XXYLT1: variants seen among roughly 807,000 people sequenced by gnomAD.
XXYLT1 encodes xyloside xylosyltransferase 1.
A neutral mutation model predicts 28.9 loss-of-function variants in XXYLT1; 20 were observed. The ratio of observed to expected loss-of-function variants is 0.69; its 90% CI spans 0.49 to 1.00. XXYLT1 has a LOEUF of 1.00. Ranked by LOEUF, XXYLT1 falls within the 50% of genes least tolerant of loss-of-function variation. The pLI is 0.00. For missense variants in XXYLT1, 542 were observed against 560.1 expected (o/e 0.97, Z 0.33); for synonymous variants, 257 against 253.8 (o/e 1.01, Z -0.12).
At chr3:195,070,586 C>T (rs1436728464) in intron 3 of XXYLT1, among the ~76,000 whole-genome samples, 3 of 152,212 alleles carry the variant, frequency 2.0e-5, no homozygotes, top group African/African-American at 7.2e-5. Context: ...CTAGGTAGAA[C>T]TTTCCACCCC....
chr3:195,251,336 C>T (rs1725244526), intron 1 of XXYLT1, among the ~76,000 whole-genome samples: 1 of 152,258 alleles, frequency 6.6e-6, no homozygotes, highest in Non-Finnish European at 1.5e-5. Context: ...CCATGTGTTT[C>T]TGACAGGGAA....
In XXYLT1 at chr3:195,111,069, G is replaced by A. The variant is rs541507640; in HGVS notation, c.786-40958C>T. 2.6e-5 allele frequency among the ~76,000 whole-genome samples: 4 copies of A among 152,162 alleles called. No individual in the cohort carries two copies. In the East Asian group the frequency reaches 5.8e-4, roughly 22 times the overall value. On this transcript the variant is annotated intron_variant, in intron 3 of 3. Transcript: ENST00000310380. ...GGCTAGAAGTCTGAGATCATGGGTCGGCAGGGCTGGATCCCTCTGAGGGCT... is the reference window on the plus strand; with the variant it reads ...GGCTAGAAGTCTGAGATCATGGGTCAGCAGGGCTGGATCCCTCTGAGGGCT...
intron 2 of XXYLT1, among the ~76,000 whole-genome samples, chr3:195,171,687 T>C (rs952074653): frequency 1.3e-5 from 2 of 152,208 alleles, no homozygotes; most frequent in Non-Finnish European, 2.9e-5. Flanking sequence ...TGCCCTGCCC[T>C]TTCTCTCCTC....
intron 2 of XXYLT1, among the ~76,000 whole-genome samples, chr3:195,213,413 C>T (rs11916733): frequency 0.046 from 7,033 of 151,992 alleles, 578 homozygotes; most frequent in African/African-American, 0.16. Flanking sequence ...TACAGGCATG[C>T]GCCACCATGC....
intron 3 of XXYLT1, among the ~76,000 whole-genome samples, chr3:195,081,241 G>A (rs918736845): frequency 6.6e-6 from 1 of 151,882 alleles, no homozygotes; most frequent in Admixed American, 6.6e-5. Context: ...GCGTTTTTAT[G>A]ATTTTTATAA....
intron 3 of XXYLT1, among the ~76,000 whole-genome samples, chr3:195,081,042 G>A (rs942752866): frequency 6.6e-6 from 1 of 152,198 alleles, no homozygotes; most frequent in Non-Finnish European, 1.5e-5. Context: ...AATAGTAATT[G>A]GCACGGTGAC....
intron 3 of XXYLT1, among the ~76,000 whole-genome samples, chr3:195,139,161 G>C (rs1448756452): frequency 6.6e-6 from 1 of 152,212 alleles, no homozygotes; most frequent in Non-Finnish European, 1.5e-5. Flanking sequence ...GAAAGCTGGA[G>C]ACAGAGAGTC....
chr3:195,258,240 AG>A (rs1725551030), intron 1 of XXYLT1, among the ~76,000 whole-genome samples: 1 of 152,154 alleles, frequency 6.6e-6, no homozygotes, highest in African/African-American at 2.4e-5. Flanking sequence ...GACCCCACTC[AG>A]GGGGATAGTG....
chr3:195,213,817 C>T (rs1213427161), intron 2 of XXYLT1, among the ~76,000 whole-genome samples: 1 of 152,208 alleles, frequency 6.6e-6, no homozygotes, highest in Non-Finnish European at 1.5e-5. Flanking sequence ...TCAGCCAGTC[C>T]TCCCCACCAC....
intron 3 of XXYLT1, among the ~76,000 whole-genome samples, chr3:195,134,872 TGTGC>T (rs1560112568): frequency 1.4e-3 from 120 of 88,556 alleles, no homozygotes; most frequent in East Asian, 2.3e-3. Context: ...TGTGTGTGCG[TGTGC>T]GCGCGTGCGC....
chr3:195,124,807 C>G lies in XXYLT1; in HGVS notation c.785+31642G>C, dbSNP rs922308443. 6.6e-6 allele frequency among the ~76,000 whole-genome samples: 1 copy of G among 152,154 alleles called. No homozygotes were observed. Among genetic ancestry groups the G allele is most frequent in the African/African-American group, 2.4e-5 (1 of 41,424 alleles). Reference sequence around the variant, plus strand: ...CACAACTCCCACTAGAGCCAAGCAGCGTACGGACAGGGGCTGGCTCCGGGA... The same window carrying G: ...CACAACTCCCACTAGAGCCAAGCAGGGTACGGACAGGGGCTGGCTCCGGGA... On this transcript the variant is annotated intron_variant, in intron 3 of 3. Coordinates refer to ENST00000310380, the MANE Select transcript of XXYLT1 (RefSeq NM_152531.5). The surrounding 1 kb of genome is among the most constrained non-coding windows in gnomAD (Gnocchi z 4.1).
chr3:195,192,865 A>T (rs1722481727), intron 2 of XXYLT1, among the ~76,000 whole-genome samples: 1 of 152,248 alleles, frequency 6.6e-6, no homozygotes, highest in African/African-American at 2.4e-5. Flanking sequence ...TACAGATGAC[A>T]TAATCCTGTA....
chr3:195,145,968 C>T (rs1034143798), intron 3 of XXYLT1, among the ~76,000 whole-genome samples: 2 of 152,238 alleles, frequency 1.3e-5, no homozygotes, highest in African/African-American at 4.8e-5. Flanking sequence ...TTAAAGAAGT[C>T]ACCTAAGGCA....
At chr3:195,090,485 C>G (rs1420612411) in intron 3 of XXYLT1, among the ~76,000 whole-genome samples, 3 of 149,892 alleles carry the variant, frequency 2.0e-5, no homozygotes, top group Non-Finnish European at 4.4e-5. Context: ...CCAACAAGAA[C>G]AAAGACACAA....
chr3:195,112,819 C>G lies in XXYLT1; in HGVS notation c.786-42708G>C, dbSNP rs957749340. ...TCCCAGCCCCAGGTGGTGGGAACAG[C>G]TGAAGCAGCGCACACACGCACACAC... On this transcript the variant is annotated intron_variant, in intron 3 of 3. Coordinates refer to ENST00000310380, the MANE Select transcript of XXYLT1 (RefSeq NM_152531.5). Among the ~76,000 whole-genome samples the G allele has an allele frequency of 2.8e-5, 4 of 144,670 alleles. No individual in the cohort carries two copies. In the Admixed American group the frequency reaches 2.8e-4, roughly 10 times the overall value. 94.9% of individuals were successfully genotyped at this position (144,670 alleles called of 152,430 possible). A position where few individuals can be genotyped will look rare whatever the true frequency, so the allele number is the denominator to read the frequency against.
rs886398634 is a variant in XXYLT1 at position 195,088,346 on chromosome 3, G to A, written c.786-18235C>T. Among the ~76,000 whole-genome samples, 26 of 148,720 alleles carry A rather than the reference G, an allele frequency of 1.7e-4. 1 individual carries two copies. Among genetic ancestry groups the A allele is most frequent in the Non-Finnish European group, 2.7e-4 (18 of 66,612 alleles). ...CACGCAGCTGGAGATCTGAGAACGGGCAGACTGCCTCCTCAAGTGGGTCCC... is the reference window on the plus strand; with the variant it reads ...CACGCAGCTGGAGATCTGAGAACGGACAGACTGCCTCCTCAAGTGGGTCCC... On this transcript the variant is annotated intron_variant, in intron 3 of 3. Coordinates refer to ENST00000310380, the MANE Select transcript of XXYLT1 (RefSeq NM_152531.5).
intron 2 of XXYLT1, among the ~76,000 whole-genome samples, chr3:195,177,269 G>A (rs1721714279): frequency 6.6e-6 from 1 of 152,208 alleles, no homozygotes. Flanking sequence ...GAGGCCCACA[G>A]AGGTATGGAC....
intron 1 of XXYLT1, among the ~76,000 whole-genome samples, chr3:195,253,430 T>G (rs2108843322): frequency 6.6e-6 from 1 of 152,184 alleles, no homozygotes; most frequent in African/African-American, 2.4e-5. Context: ...TGCATTTGCC[T>G]TAAAATGTCT....
chr3:195,249,902 A>G (rs1725185858), intron 1 of XXYLT1, among the ~76,000 whole-genome samples: 1 of 151,868 alleles, frequency 6.6e-6, no homozygotes, highest in African/African-American at 2.4e-5. Flanking sequence ...TCCCTCCACC[A>G]CCCACCACCA....
Sources: allele counts gnomAD v4.1 joint callset (sites outside exome capture counted in the v4.1 genomes callset), GRCh38; gene constraint gnomAD v4.1.1; non-coding constraint Gnocchi (gnomAD v3.1); transcripts MANE v1.5; gene names NCBI Gene and HGNC (gene_info 2026-07-23, HGNC 2026-07-21).